LINGO2: variants seen among roughly 807,000 people sequenced by gnomAD.
LINGO2 encodes the protein leucine rich repeat and Ig domain containing 2, also known as leucine-rich repeat and immunoglobulin-like domain-containing nogo receptor-interacting protein 2.
LINGO2 carries 14 observed loss-of-function variants against 30.6 expected under a neutral mutation model. That is an observed-to-expected ratio of 0.46 (90% confidence interval 0.30 to 0.72). LINGO2 has a LOEUF of 0.72. Ranked by LOEUF, LINGO2 falls within the 30% of genes least tolerant of loss-of-function variation. The probability of loss-of-function intolerance (pLI) is 0.07; values close to 1 mark genes in which losing one functional copy is unlikely to be tolerated. For synonymous variants in LINGO2, 317 were observed against 288.5 expected, an observed-to-expected ratio of 1.10 and a Z score of -1.00; for missense variants, 729 against 751.7, an observed-to-expected ratio of 0.97 and a Z score of 0.35.
chr9:28,504,629 T>C (rs1820029390), intron 1 of LINGO2, among the ~76,000 whole-genome samples: 2 of 151,664 alleles, frequency 1.3e-5, no homozygotes, highest in South Asian at 4.1e-4. Context: ...GCTTCATCAT[T>C]AAAAATGGAC....
the LINGO2 span, among the ~76,000 whole-genome samples, chr9:29,101,572 T>C: frequency 6.6e-6 from 1 of 152,276 alleles, no homozygotes; most frequent in East Asian, 1.9e-4. Flanking sequence ...CAGATCACTC[T>C]TCTCAGCCTT....
chr9:28,500,893 T>C (rs1819856406), intron 1 of LINGO2, among the ~76,000 whole-genome samples: 1 of 152,076 alleles, frequency 6.6e-6, no homozygotes, highest in Admixed American at 6.6e-5. Flanking sequence ...TTCAAAAGAA[T>C]GAATATTAAA....
chr9:29,120,859 T>G, the LINGO2 span, among the ~76,000 whole-genome samples: 2 of 152,300 alleles, frequency 1.3e-5, no homozygotes, highest in South Asian at 4.1e-4. Flanking sequence ...ATGATAGAGT[T>G]GTTATAAGAA....
At chr9:28,357,682 A>G (rs928504993) in intron 3 of LINGO2, among the ~76,000 whole-genome samples, 5 of 152,128 alleles carry the variant, frequency 3.3e-5, no homozygotes, top group African/African-American at 1.2e-4. Context: ...TATTTCAACT[A>G]ATAATGAGGC....
At chr9:29,172,588 T>A in the LINGO2 span, among the ~76,000 whole-genome samples, 1 of 151,880 alleles carries the variant, frequency 6.6e-6, no homozygotes, top group African/African-American at 2.4e-5. Context: ...TAAATAAAAT[T>A]GAACAATAAT....
intron 1 of LINGO2, among the ~76,000 whole-genome samples, chr9:28,490,857 A>T (rs1438338374): frequency 6.6e-6 from 1 of 152,220 alleles, no homozygotes; most frequent in Admixed American, 6.5e-5. Flanking sequence ...CACTTCAAGA[A>T]AACTATTCTA....
At chr9:28,380,886 T>C (rs1459255569) in intron 2 of LINGO2, among the ~76,000 whole-genome samples, 1 of 152,000 alleles carries the variant, frequency 6.6e-6, no homozygotes, top group Non-Finnish European at 1.5e-5. Context: ...TGAGAAATGC[T>C]AGGTACATAG....
At chr9:28,019,273 T>TAAAAAA (rs61388318) in intron 4 of LINGO2, among the ~76,000 whole-genome samples, 1 of 145,586 alleles carries the variant, frequency 6.9e-6, no homozygotes, top group Non-Finnish European at 1.5e-5. Flanking sequence ...ACCTAAAACT[T>TAAAAAA]AAAAAAAAAA....
At chr9:29,169,120 G>T in the LINGO2 span, among the ~76,000 whole-genome samples, 1 of 152,002 alleles carries the variant, frequency 6.6e-6, no homozygotes, top group African/African-American at 2.4e-5. Context: ...GCTAATTTTT[G>T]TATTTTTAGT....
At chr9:29,041,105 C>T in the LINGO2 span, among the ~76,000 whole-genome samples, 1 of 151,940 alleles carries the variant, frequency 6.6e-6, no homozygotes, top group African/African-American at 2.4e-5. Flanking sequence ...CAGATGGTTA[C>T]AGATTTTAAT....
At chr9:28,675,901 G>GTATTTATATATATA in the LINGO2 span, among the ~76,000 whole-genome samples, 1 of 107,614 alleles carries the variant, frequency 9.3e-6, no homozygotes, top group Non-Finnish European at 1.9e-5. Context: ...GTGTGTGTGT[G>GTATTTATATATATA]TATGTATATA....
At chr9:28,875,677 T>G in the LINGO2 span, among the ~76,000 whole-genome samples, 1 of 152,240 alleles carries the variant, frequency 6.6e-6, no homozygotes, top group Non-Finnish European at 1.5e-5. Context: ...TGAGGCCTGT[T>G]ACTTTTTAGA....
At chr9:28,379,460 A>G (rs959290890) in intron 2 of LINGO2, among the ~76,000 whole-genome samples, 15 of 152,216 alleles carry the variant, frequency 9.9e-5, no homozygotes, top group East Asian at 9.7e-4. Context: ...CTCTGCTCCA[A>G]TTGGTTATCT....
the LINGO2 span, among the ~76,000 whole-genome samples, chr9:28,724,198 C>T: frequency 2.6e-5 from 4 of 151,990 alleles, no homozygotes; most frequent in African/African-American, 9.7e-5. Context: ...TAATATAAAC[C>T]ACTGTTTCTT....
chr9:29,077,356 T>G, the LINGO2 span, among the ~76,000 whole-genome samples: 1 of 152,060 alleles, frequency 6.6e-6, no homozygotes, highest in Admixed American at 6.6e-5. Flanking sequence ...TGAAATGTGC[T>G]GCATGCAAGG....
At chr9:28,531,252 A>G (rs1309512857) in intron 1 of LINGO2, among the ~76,000 whole-genome samples, 1 of 152,060 alleles carries the variant, frequency 6.6e-6, no homozygotes, top group African/African-American at 2.4e-5. Flanking sequence ...AAGCACATAT[A>G]CACAGCCTCT....
chr9:28,250,686 G>T lies in LINGO2; in HGVS notation c.-87+44522C>A, dbSNP rs868524340. Among the ~76,000 whole-genome samples, 8 of 152,292 alleles carry T rather than the reference G, an allele frequency of 5.3e-5. No homozygotes were observed. In the Middle Eastern group the frequency reaches 0.02, roughly 389 times the overall value. On this transcript the variant is annotated intron_variant, in intron 4 of 5. Transcript: ENST00000379992. ...CAAAGCACCCTAACCCCTCACCAGAGCTACGCTATAGAAGAGAAGACAAAG... is the reference window on the plus strand; with the variant it reads ...CAAAGCACCCTAACCCCTCACCAGATCTACGCTATAGAAGAGAAGACAAAG...
chr9:28,176,314 T>A (rs562705713), intron 4 of LINGO2, among the ~76,000 whole-genome samples: 1 of 152,336 alleles, frequency 6.6e-6, no homozygotes, highest in South Asian at 2.1e-4. Context: ...CAATATATCA[T>A]TCCCACCTGA....
At chr9:29,029,482 A>G in the LINGO2 span, among the ~76,000 whole-genome samples, 1 of 152,108 alleles carries the variant, frequency 6.6e-6, no homozygotes, top group Non-Finnish European at 1.5e-5. Flanking sequence ...AGTCTTTATA[A>G]TCTCTGGCCC....
Sources: allele counts gnomAD v4.1 joint callset (sites outside exome capture counted in the v4.1 genomes callset), GRCh38; gene constraint gnomAD v4.1.1; transcripts MANE v1.5; gene names NCBI Gene and HGNC (gene_info 2026-07-23, HGNC 2026-07-21).